Variants in PBX1 observed in about 807,000 individuals in gnomAD.
PBX1 encodes pre-B-cell leukemia transcription factor 1.
In PBX1, 6 loss-of-function variants were observed where a neutral mutation model predicts 53.4. That is an observed-to-expected ratio of 0.11 (90% CI 0.06 to 0.22). The LOEUF (loss-of-function observed/expected upper bound fraction) is 0.22. Ranked by LOEUF, PBX1 falls within the 10% of genes least tolerant of loss-of-function variation. PBX1 has a pLI of 1.00. For missense variants in PBX1, 251 were observed against 551.4 expected (o/e 0.46, Z 5.46); for synonymous variants, 204 against 212.3 (o/e 0.96, Z 0.34).
chr1:164,566,895 T>A (rs1653468699), intron 2 of PBX1, among the ~76,000 whole-genome samples: 1 of 152,204 alleles, frequency 6.6e-6, no homozygotes, highest in South Asian at 2.1e-4. Flanking sequence ...GCATCAAAGT[T>A]AACGCAAATC....
intron 8 of PBX1, among the ~76,000 whole-genome samples, chr1:164,840,564 G>A (rs1304527591): frequency 6.6e-6 from 1 of 152,146 alleles, no homozygotes. Context: ...AGGATGGGTT[G>A]TCTTCTCCTT....
At chr1:164,725,598 A>G (rs1664658759) in intron 2 of PBX1, among the ~76,000 whole-genome samples, 1 of 152,060 alleles carries the variant, frequency 6.6e-6, no homozygotes, top group Admixed American at 6.5e-5. Flanking sequence ...TTACCCATAA[A>G]CACACAACAT....
intron 2 of PBX1, among the ~76,000 whole-genome samples, chr1:164,720,221 C>T (rs1306144691): frequency 6.6e-6 from 1 of 152,122 alleles, no homozygotes; most frequent in African/African-American, 2.4e-5. Flanking sequence ...GAAAATCCTT[C>T]CTTCATTGTT....
rs553082669 is a variant in PBX1, at chr1:164,823,774, C to T, written c.1200+2148C>T. On this transcript the variant is annotated intron_variant, in intron 8 of 8. Coordinates refer to ENST00000420696, the MANE Select transcript of PBX1 (RefSeq NM_002585.4). ...AAATGCCACTTGAAAGAGTCTCTCACTTTGCATTAATTTTTTTTTCCATGA... is the reference window on the plus strand; with the variant it reads ...AAATGCCACTTGAAAGAGTCTCTCATTTTGCATTAATTTTTTTTTCCATGA... Among the ~76,000 whole-genome samples the T allele has an allele frequency of 2.0e-5, 3 of 152,234 alleles. No individual in the cohort carries two copies. In the East Asian group the frequency reaches 5.8e-4, roughly 29 times the overall value.
intron 2 of PBX1, among the ~76,000 whole-genome samples, chr1:164,656,870 A>G (rs1392709320): frequency 6.6e-6 from 1 of 152,138 alleles, no homozygotes; most frequent in Admixed American, 6.5e-5. Flanking sequence ...TATACCAAGA[A>G]TAGATAATAT....
intron 2 of PBX1, among the ~76,000 whole-genome samples, chr1:164,568,590 TC>T (rs1653600574): frequency 6.6e-6 from 1 of 152,250 alleles, no homozygotes; most frequent in African/African-American, 2.4e-5. Context: ...TGCTTTGAGT[TC>T]CTGTGGGTTA....
In PBX1 at chr1:164,645,066, A is replaced by G. The variant is rs372681227; in HGVS notation, c.265+81755A>G. On this transcript the variant is annotated intron_variant, in intron 2 of 8. Coordinates refer to ENST00000420696, the MANE Select transcript of PBX1 (RefSeq NM_002585.4). ...TCTCTTTGTTTAGTTTTGGGTTTTT[A>G]ATATGAGCAGAGACATAAAGGAGTG... Among the ~76,000 whole-genome samples, 129 of 152,290 alleles carry G rather than the reference A, an allele frequency of 8.5e-4. 3 individuals carry two copies. In the South Asian group the frequency reaches 0.019, roughly 22 times the overall value.
At chr1:164,759,232 G>T (rs919149651) in intron 2 of PBX1, among the ~76,000 whole-genome samples, 3 of 152,186 alleles carry the variant, frequency 2.0e-5, no homozygotes, top group African/African-American at 4.8e-5. Flanking sequence ...AGGGTGGAAG[G>T]TGGGTGAAGA....
At chr1:164,618,212 C>G (rs901262178) in intron 2 of PBX1, among the ~76,000 whole-genome samples, 3 of 150,654 alleles carry the variant, frequency 2.0e-5, no homozygotes, top group Non-Finnish European at 4.4e-5. Context: ...CTCCCCACCA[C>G]CAAAATTAAG....
chr1:164,852,059 G>A (rs574614315), downstream of PBX1, among the ~76,000 whole-genome samples: 17 of 152,226 alleles, frequency 1.1e-4, no homozygotes, highest in East Asian at 3.3e-3. Flanking sequence ...ATTACAGAGG[G>A]ACAGAGCACC....
chr1:164,570,160 A>C (rs1166515366), intron 2 of PBX1, among the ~76,000 whole-genome samples: 1 of 152,218 alleles, frequency 6.6e-6, no homozygotes. Context: ...GTTCCAAAGC[A>C]GGAAAAGTAG....
intron 2 of PBX1, among the ~76,000 whole-genome samples, chr1:164,612,753 C>A (rs1223251371): frequency 6.6e-6 from 1 of 152,162 alleles, no homozygotes; most frequent in African/African-American, 2.4e-5. Flanking sequence ...TCCCGTCTTC[C>A]TGGTCCCTCT....
At chr1:164,633,967 T>A (rs750376017) in intron 2 of PBX1, among the ~76,000 whole-genome samples, 1 of 152,204 alleles carries the variant, frequency 6.6e-6, no homozygotes, top group Non-Finnish European at 1.5e-5. Context: ...TAATTTAATC[T>A]TCCATTCAAT....
chr1:164,879,820 A>G (rs145287271), intron 2 of PBX1, among the ~76,000 whole-genome samples: 1,771 of 152,320 alleles, frequency 0.012, 12 homozygotes, highest in African/African-American at 0.017. Context: ...TTCCATGTGA[A>G]TACATGCAAA....
At chr1:164,863,501 T>C (rs1169865944) in intron 2 of PBX1, among the ~76,000 whole-genome samples, 2 of 152,198 alleles carry the variant, frequency 1.3e-5, no homozygotes, top group African/African-American at 4.8e-5. Flanking sequence ...GGGTATCTAA[T>C]ATCAATCCAA....
intron 2 of PBX1, among the ~76,000 whole-genome samples, chr1:164,628,401 G>A (rs189011900): frequency 1.9e-4 from 29 of 152,278 alleles, no homozygotes; most frequent in African/African-American, 7.0e-4. Context: ...GACAATCCTT[G>A]ATGGCAGTAG....
intron 2 of PBX1, among the ~76,000 whole-genome samples, chr1:164,647,641 C>T (rs989098848): frequency 6.6e-6 from 1 of 151,964 alleles, no homozygotes. Flanking sequence ...ATGCATAAAC[C>T]TTTCAATAAC....
chr1:164,710,436 A>G (rs1663688697), intron 2 of PBX1, among the ~76,000 whole-genome samples: 1 of 150,440 alleles, frequency 6.6e-6, no homozygotes, highest in African/African-American at 2.5e-5. Context: ...TTTGAGATGG[A>G]GTTTTGTTCT....
intron 2 of PBX1, among the ~76,000 whole-genome samples, chr1:164,685,886 C>G (rs966353015): frequency 2.0e-5 from 3 of 152,174 alleles, no homozygotes; most frequent in Admixed American, 2.0e-4. Flanking sequence ...TGGAGAAAAC[C>G]TCAGACCATG....
Sources: allele counts gnomAD v4.1 joint callset (sites outside exome capture counted in the v4.1 genomes callset), GRCh38; gene constraint gnomAD v4.1.1; transcripts MANE v1.5; gene names NCBI Gene and HGNC (gene_info 2026-07-23, HGNC 2026-07-21).